KATNAL2: variants seen among roughly 807,000 people sequenced by gnomAD.
KATNAL2 encodes katanin catalytic subunit A1 like 2.
A neutral mutation model predicts 76.3 loss-of-function variants in KATNAL2; 52 were observed. The observed-to-expected ratio is 0.68, with a 90% CI of 0.55 to 0.86. KATNAL2 has a LOEUF of 0.86. KATNAL2 is among the 40% of genes least tolerant of loss of function. The pLI is 0.00. For synonymous variants in KATNAL2, 243 were observed against 244.2 expected (o/e 1.00, Z 0.05); for missense variants, 660 against 668.9 (o/e 0.99, Z 0.15).
At chr18:47,064,459 G>A (rs2061729253) in intron 10 of KATNAL2, among the ~76,000 whole-genome samples, 1 of 152,156 alleles carries the variant, frequency 6.6e-6, no homozygotes, top group Non-Finnish European at 1.5e-5. Context: ...GCAGTACCCA[G>A]GGCTGAGAAC....
chr18:47,048,729 T>C (rs2061242063), intron 4 of KATNAL2, among the ~76,000 whole-genome samples: 1 of 151,862 alleles, frequency 6.6e-6, no homozygotes, highest in Admixed American at 6.6e-5. Flanking sequence ...AAGGGTAGCA[T>C]ATGAGAAAGT....
chr18:47,056,524 A>C (rs898390352), intron 6 of KATNAL2, among the ~76,000 whole-genome samples: 2 of 152,178 alleles, frequency 1.3e-5, no homozygotes, highest in Non-Finnish European at 2.9e-5. Context: ...TCACCCTCTA[A>C]AGGGCGATTG....
chr18:47,034,931 AGCCCCAG>A (rs1259849386), intron 3 of KATNAL2: 1 of 1,611,946 alleles, frequency 6.2e-7, no homozygotes, highest in East Asian at 2.2e-5. Flanking sequence ...TTTTCTGGGA[AGCCCCAG>A]GCCTTTTCCT....
chr18:46,921,281 C>T lies in KATNAL2; in HGVS notation c.-510+3355C>T, dbSNP rs529336724. On this transcript the variant is annotated intron_variant, in intron 1 of 17. Transcript: ENST00000683218. ...TAGCTGGGATTACAGGCACCCGCCA[C>T]CATGCCCAGCTAATTTTTGTACTTT... 1.5e-4 allele frequency among the ~76,000 whole-genome samples: 23 copies of T among 152,260 alleles called. No individual in the cohort carries two copies. In the East Asian group the frequency reaches 4.1e-3, roughly 27 times the overall value.
chr18:47,033,706 G>C, intron 3 of KATNAL2: 1 of 1,614,186 alleles, frequency 6.2e-7, no homozygotes, highest in Non-Finnish European at 8.5e-7. Flanking sequence ...CTGGCAGGCA[G>C]GCCTGGAGCC....
chr18:47,080,314 G>C (rs2062447284), intron 15 of KATNAL2, among the ~76,000 whole-genome samples: 1 of 151,906 alleles, frequency 6.6e-6, no homozygotes, highest in African/African-American at 2.4e-5. Flanking sequence ...AAATTTTATT[G>C]AGATATAACT....
Position 47,067,029 on chromosome 18 carries a change from T to G in KATNAL2, c.735T>G (p.Tyr245Ter). 6.3e-7 allele frequency: 1 copy of G among 1,583,704 alleles called. No homozygotes were observed. The highest frequency in any genetic ancestry group is 1.2e-5 in the South Asian group (1 of 86,916). The change falls in exon 11 of 18, where the codon TAT (tyrosine) becomes TAG (stop). Residue 245 changes from tyrosine (Y) to a stop codon, truncating the protein, a stop_gained. Coordinates refer to ENST00000683218, the MANE Select transcript of KATNAL2 (RefSeq NM_001387690.1). LOFTEE classifies it high-confidence loss of function. The stretch of plus-strand genomic sequence containing the variant: ...TCAAATGTGCATTGCAGGACATTTA[T>G]CTCCATAATCCAAACATAAAGTGGA... ...ELAAVVSRDI[Y>*]LHNPNIKWND...
intron 1 of KATNAL2, among the ~76,000 whole-genome samples, chr18:46,932,360 C>T (rs749822369): frequency 6.6e-6 from 1 of 151,904 alleles, no homozygotes; most frequent in Non-Finnish European, 1.5e-5. Context: ...AAGAAATGTA[C>T]ACAAACTACT....
chr18:47,066,850 TATATA>T (rs1216648790), intron 10 of KATNAL2, among the ~76,000 whole-genome samples, 166 bp from the exon 11 acceptor site: 2 of 25,554 alleles, frequency 7.8e-5, no homozygotes, highest in African/African-American at 1.7e-4. Context: ...TATGTGTTTA[TATATA>T]TATATATATA....
In KATNAL2 at chr18:47,054,723, G is replaced by A. The variant is rs189861137; in HGVS notation, c.332+285G>A. On this transcript the variant is annotated intron_variant, in intron 6 of 17. Coordinates refer to ENST00000683218, the MANE Select transcript of KATNAL2 (RefSeq NM_001387690.1). Reference sequence around the variant, plus strand: ...TAACCTCAAAGGTTAAAAGACCCAGGTTCAACTCCTGGCTCTGCTATTTAC... The same window carrying A: ...TAACCTCAAAGGTTAAAAGACCCAGATTCAACTCCTGGCTCTGCTATTTAC... 1.1e-5 allele frequency: 4 copies of A among 351,040 alleles called. No homozygotes were observed. The Admixed American group carries it at 1.8e-4, about 16-fold the overall frequency. The allele number at this position is 351,040 out of a possible 1,614,324, so 21.7% of individuals were successfully genotyped here.
chr18:46,928,708 C>G (rs183812043), intron 1 of KATNAL2, among the ~76,000 whole-genome samples: 373 of 152,288 alleles, frequency 2.4e-3, no homozygotes, highest in Non-Finnish European at 4.2e-3. Context: ...CTCCTCCCCC[C>G]TGATACGGAA....
At chr18:47,050,379 G>A (rs1254846506) in intron 4 of KATNAL2, among the ~76,000 whole-genome samples, 1 of 152,120 alleles carries the variant, frequency 6.6e-6, no homozygotes, top group Admixed American at 6.5e-5. Flanking sequence ...ATGTAGATGG[G>A]TAGAATAATT....
At position 46,928,888 on chromosome 18, in the gene KATNAL2, A is replaced by T. The variant is rs56298133; in HGVS notation, c.-510+10962A>T. Reference sequence around the variant, plus strand: ...TTGGCTCGCTGCAACCTCCACCTCCAGAGTTCAAGCAATTTTCCTGCCTCA... The same window carrying T: ...TTGGCTCGCTGCAACCTCCACCTCCTGAGTTCAAGCAATTTTCCTGCCTCA... On this transcript the variant is annotated intron_variant, in intron 1 of 17. Transcript: ENST00000683218. Among the ~76,000 whole-genome samples, 4 of 151,786 alleles carry T rather than the reference A, an allele frequency of 2.6e-5. No homozygotes were observed. In the South Asian group the frequency reaches 6.3e-4, roughly 24 times the overall value.
intron 3 of KATNAL2, among the ~76,000 whole-genome samples, chr18:47,045,560 T>A (rs777294473): frequency 6.6e-6 from 1 of 152,182 alleles, no homozygotes; most frequent in Non-Finnish European, 1.5e-5. Context: ...TGACCTCAAG[T>A]GATCCATCCG....
chr18:46,953,343 A>G (rs1402101943), intron 3 of KATNAL2, among the ~76,000 whole-genome samples: 2 of 152,180 alleles, frequency 1.3e-5, no homozygotes. Context: ...TTTATTTTTA[A>G]GAATGAGTCA....
chr18:46,925,555 G>T (rs2146511874), intron 1 of KATNAL2, among the ~76,000 whole-genome samples: 1 of 152,188 alleles, frequency 6.6e-6, no homozygotes, highest in South Asian at 2.1e-4. Context: ...TTTTTTGGTT[G>T]TGTCTCTGCC....
rs961941096 is a variant in KATNAL2, at chr18:46,946,450, G to A, written c.-116G>A. The stretch of plus-strand genomic sequence containing the variant: ...ATTTCCAAACCTTTACCCTAATCCA[G>A]GGAGGAGAAGACGGGACGTCAAAAT... On this transcript the variant is annotated 5_prime_UTR_variant, in exon 2 of 18. Transcript: ENST00000683218. 20 of 985,364 alleles carry A rather than the reference G, an allele frequency of 2.0e-5. No homozygotes were observed. The highest frequency in any genetic ancestry group is 2.4e-5 in the Non-Finnish European group (20 of 829,950). 61.0% of individuals were successfully genotyped at this position (985,364 alleles called of 1,614,324 possible).
At chr18:46,961,214 A>G (rs940113661) in intron 3 of KATNAL2, among the ~76,000 whole-genome samples, 3 of 144,598 alleles carry the variant, frequency 2.1e-5, no homozygotes, top group African/African-American at 7.8e-5. Flanking sequence ...TATTTATCTT[A>G]CTTTTGTTTC....
chr18:47,058,855 C>A (rs557434352), intron 7 of KATNAL2, among the ~76,000 whole-genome samples: 1 of 152,212 alleles, frequency 6.6e-6, no homozygotes, highest in South Asian at 2.1e-4. Flanking sequence ...TCACCCCAGA[C>A]CTTCATGCTG....
Sources: gnomAD v4.1 joint callset for allele counts (sites outside exome capture counted in the v4.1 genomes callset) on GRCh38, gnomAD v4.1.1 for gene constraint, MANE v1.5 for transcripts, NCBI Gene and HGNC (gene_info 2026-07-23, HGNC 2026-07-21) for gene names.